KLHL8: variants seen among roughly 807,000 people sequenced by gnomAD.
KLHL8 encodes the protein kelch-like protein 8.
A neutral mutation model predicts 63.5 loss-of-function variants in KLHL8; 38 were observed. The ratio of observed to expected loss-of-function variants is 0.60; its 90% confidence interval spans 0.46 to 0.78. KLHL8 has a LOEUF of 0.78. Ranked by LOEUF, KLHL8 falls within the 30% of genes least tolerant of loss-of-function variation. KLHL8 has a pLI of 0.00. For synonymous variants in KLHL8, 224 were observed against 254.3 expected (o/e 0.88, Z 1.13); for missense variants, 566 against 752.4 (o/e 0.75, Z 2.90).
At chr4:87,185,225 G>A (rs773156272) in intron 3 of KLHL8, 26 bp downstream of exon 3, 9 of 1,568,568 alleles carry the variant, frequency 5.7e-6, no homozygotes, top group Admixed American at 5.4e-5. Flanking sequence ...CTTCATTTCT[G>A]TGTGAAATCT....
rs562909431 is a variant in KLHL8, at chr4:87,229,666, A to G, written n.58-8276T>C. Among the ~76,000 whole-genome samples, 3 of 151,494 alleles carry G rather than the reference A, an allele frequency of 2.0e-5. No individual in the cohort carries two copies. The East Asian group carries it at 5.9e-4, about 30-fold the overall frequency. On this transcript the variant is annotated intron_variant and non_coding_transcript_variant, in intron 1 of 1. Coordinates refer to the KLHL8 transcript ENST00000506274. ...AGGCTGGTGTCGGACTCCTAACCTCAATTGATCCACCTGCCTTAGCCTCCA... is the reference window on the plus strand; with the variant it reads ...AGGCTGGTGTCGGACTCCTAACCTCGATTGATCCACCTGCCTTAGCCTCCA...
upstream of KLHL8, among the ~76,000 whole-genome samples, chr4:87,222,745 G>A (rs1011306881): frequency 9.2e-5 from 14 of 151,910 alleles, no homozygotes; most frequent in Middle Eastern, 3.4e-3. Flanking sequence ...CACCACGCCC[G>A]GCTAATTTTT....
At chr4:87,210,006 C>T (rs763825380) in intron 1 of KLHL8, among the ~76,000 whole-genome samples, 6 of 152,028 alleles carry the variant, frequency 3.9e-5, no homozygotes, top group South Asian at 2.1e-4. Context: ...TACAGGCACA[C>T]ACCTCCACAC....
At chr4:87,223,453 T>C (rs1035139041), upstream of KLHL8, among the ~76,000 whole-genome samples, 2 of 152,188 alleles carry the variant, frequency 1.3e-5, no homozygotes, top group African/African-American at 4.8e-5. Context: ...AGAACATTTT[T>C]TGAGCACCAG....
chr4:87,231,841 G>GCA (rs1332527388), intron 1 of KLHL8, among the ~76,000 whole-genome samples: 1 of 151,952 alleles, frequency 6.6e-6, no homozygotes, highest in African/African-American at 2.4e-5. Context: ...CAAGTGATCT[G>GCA]CCTGCCTCGG....
chr4:87,164,615 C>T (rs767633490), intron 8 of KLHL8, among the ~76,000 whole-genome samples: 1 of 152,178 alleles, frequency 6.6e-6, no homozygotes, highest in Non-Finnish European at 1.5e-5. Context: ...CAATTTTTGT[C>T]ATAACAACAT....
intron 1 of KLHL8, among the ~76,000 whole-genome samples, chr4:87,237,611 C>T (rs1053362779): frequency 1.3e-4 from 20 of 152,198 alleles, no homozygotes; most frequent in Middle Eastern, 6.8e-3. Flanking sequence ...GCAGATTGCA[C>T]GAGCCCAGGA....
chr4:87,222,288 C>A (rs1004734762), upstream of KLHL8, among the ~76,000 whole-genome samples: 1 of 152,110 alleles, frequency 6.6e-6, no homozygotes, highest in African/African-American at 2.4e-5. Flanking sequence ...TTGTATGTTC[C>A]CCATTTTCCC....
At chr4:87,166,056 G>C (rs994641880) in intron 8 of KLHL8, among the ~76,000 whole-genome samples, 1 of 152,336 alleles carries the variant, frequency 6.6e-6, no homozygotes, top group Middle Eastern at 3.4e-3. Context: ...ACAGGGAGCT[G>C]TGAGAGGTAG....
chr4:87,171,987 G>A (rs186288960), intron 6 of KLHL8, among the ~76,000 whole-genome samples: 21 of 152,150 alleles, frequency 1.4e-4, no homozygotes, highest in Non-Finnish European at 4.4e-5. Flanking sequence ...TGCCCACCTC[G>A]CTGTGGTAGG....
chr4:87,176,922 T>C (rs1730843801), intron 5 of KLHL8, 54 bp from the exon 6 acceptor site: 1 of 860,572 alleles, frequency 1.2e-6, no homozygotes, highest in Non-Finnish European at 1.9e-6. Context: ...ATTCATATCA[T>C]TAATGTTACA....
chr4:87,192,266 C>T (rs1731523829), intron 2 of KLHL8, among the ~76,000 whole-genome samples: 1 of 152,142 alleles, frequency 6.6e-6, no homozygotes. Context: ...CACAGCCTTG[C>T]CAACATCTGT....
chr4:87,178,728 A>C (rs1241731728), intron 4 of KLHL8, 108 bp from the exon 5 acceptor site: 2 of 1,046,066 alleles, frequency 1.9e-6, no homozygotes, highest in African/African-American at 3.3e-5. Context: ...AGTTATTTGG[A>C]TAGTATTCAA....
rs78870838 is a variant in KLHL8, at chr4:87,232,528, G to A, written n.57+7730C>T. ...ATAAGGGTACATAGCAAATACAAGAGTTTCTCCAGAAGTGGAATTGCTGGT... is the reference window on the plus strand; with the variant it reads ...ATAAGGGTACATAGCAAATACAAGAATTTCTCCAGAAGTGGAATTGCTGGT... On this transcript the variant is annotated intron_variant and non_coding_transcript_variant, in intron 1 of 1. Coordinates refer to the KLHL8 transcript ENST00000506274. Among the ~76,000 whole-genome samples, 506 of 152,312 alleles carry A rather than the reference G, an allele frequency of 3.3e-3. 2 individuals are homozygous for A. The highest frequency in any genetic ancestry group is 0.012 in the African/African-American group (490 of 41,554).
At chr4:87,217,034 T>G (rs905575080) in intron 1 of KLHL8, among the ~76,000 whole-genome samples, 1 of 151,798 alleles carries the variant, frequency 6.6e-6, no homozygotes, top group Non-Finnish European at 1.5e-5. Flanking sequence ...TAGAGAATTG[T>G]GTAGTACCAG....
At chr4:87,219,722 G>C (rs1215825518) in intron 1 of KLHL8, 1 of 152,524 alleles carries the variant, frequency 6.6e-6, no homozygotes, top group East Asian at 1.9e-4. Flanking sequence ...CTGTCATCGT[G>C]GCGGTAACAA....
Position 87,170,099 on chromosome 4 carries a change from T to C in KLHL8, c.1517A>G (p.His506Arg). The change falls in exon 8 of 10, where the codon CAT becomes CGT. Residue 506 changes from histidine to arginine, a missense_variant. Coordinates refer to ENST00000273963, the MANE Select transcript of KLHL8 (RefSeq NM_020803.5). Reference protein sequence around the residue: ...RRAGNGVSKLHGCLYVVGGFD... With the variant: ...RRAGNGVSKLRGCLYVVGGFD... ...CTCACCAACTACGTATAAGCAACCA[T>C]GAAGCTTGCTAACTCCATTGCCTGC... 6.2e-7 allele frequency: 1 copy of C among 1,614,110 alleles called. No individual in the cohort carries two copies. The highest frequency in any genetic ancestry group is 8.5e-7 in the Non-Finnish European group (1 of 1,179,958).
intron 1 of KLHL8, among the ~76,000 whole-genome samples, chr4:87,203,929 A>C (rs776925289): frequency 1.3e-5 from 2 of 152,156 alleles, no homozygotes; most frequent in Non-Finnish European, 2.9e-5. Context: ...AAATATATAA[A>C]ACTTTCAAAC....
chr4:87,219,251 GT>G lies in KLHL8; in HGVS notation c.-152+1166del, dbSNP rs201108019. The stretch of plus-strand genomic sequence containing the variant: ...AAGCAGCGTTCCAGGCGCCAGCACT[GT>G]TAGCAGCAGTCCTCTGCGTACCCAA... On this transcript the variant is annotated intron_variant, in intron 1 of 9. Transcript: ENST00000273963. Among the ~76,000 whole-genome samples, 939 of 152,346 alleles carry G rather than the reference GT, an allele frequency of 6.2e-3. 12 individuals carry two copies. Among genetic ancestry groups the G allele is most frequent in the African/African-American group, 0.021 (889 of 41,566 alleles).
Sources: allele counts gnomAD v4.1 joint callset (sites outside exome capture counted in the v4.1 genomes callset), GRCh38; gene constraint gnomAD v4.1.1; transcripts MANE v1.5; gene names NCBI Gene and HGNC (gene_info 2026-07-23, HGNC 2026-07-21).